Variants in TUSC3 observed in about 807,000 individuals in gnomAD.
TUSC3 encodes tumor suppressor candidate 3, also known as dolichyl-diphosphooligosaccharide--protein glycosyltransferase subunit TUSC3.
Under a neutral mutation model 44.8 loss-of-function variants are expected in TUSC3, and 45 were observed. The ratio of observed to expected loss-of-function variants is 1.00; its 90% CI spans 0.79 to 1.29. The LOEUF is 1.29. Ranked by LOEUF, TUSC3 falls within the 50% of genes most tolerant of loss-of-function variation. TUSC3 has a pLI of 0.00. For missense variants in TUSC3, 519 were observed against 437.9 expected (o/e 1.19, Z -1.65); for synonymous variants, 212 against 152.9 (o/e 1.39, Z -2.85).
intron 2 of TUSC3, among the ~76,000 whole-genome samples, 200 bp downstream of exon 2, chr8:15,623,449 A>T (rs1350602376): frequency 6.6e-6 from 1 of 152,164 alleles, no homozygotes; most frequent in Non-Finnish European, 1.5e-5. Flanking sequence ...CATGTAAAAT[A>T]TTCATTGACC....
the TUSC3 span, among the ~76,000 whole-genome samples, chr8:15,788,046 G>C: frequency 6.6e-6 from 1 of 152,172 alleles, no homozygotes; most frequent in South Asian, 2.1e-4. Flanking sequence ...TGAATGGTCT[G>C]ACCTGCCCCC....
At chr8:15,635,619 A>G (rs1298961364) in intron 2 of TUSC3, among the ~76,000 whole-genome samples, 1 of 152,202 alleles carries the variant, frequency 6.6e-6, no homozygotes, top group Non-Finnish European at 1.5e-5. Flanking sequence ...GAGAGTCGTA[A>G]TAGTAGTAAG....
the TUSC3 span, among the ~76,000 whole-genome samples, chr8:15,813,502 C>T: frequency 4.0e-5 from 6 of 150,618 alleles, no homozygotes; most frequent in Admixed American, 1.3e-4. Context: ...CTAGAAAGTA[C>T]GAGGTAATCA....
intron 1 of TUSC3, among the ~76,000 whole-genome samples, chr8:15,434,520 A>G (rs1276259478): frequency 8.0e-6 from 1 of 125,404 alleles, no homozygotes; most frequent in African/African-American, 2.9e-5. Flanking sequence ...CTCAAATTAT[A>G]AAGCCATTCC....
chr8:15,652,171 G>A (rs555786878), intron 3 of TUSC3, among the ~76,000 whole-genome samples: 22 of 152,216 alleles, frequency 1.4e-4, no homozygotes, highest in African/African-American at 5.3e-4. Flanking sequence ...GTGCAGTTCC[G>A]GGGTTGATCT....
chr8:15,846,123 C>A, the TUSC3 span, among the ~76,000 whole-genome samples: 1 of 152,166 alleles, frequency 6.6e-6, no homozygotes, highest in Non-Finnish European at 1.5e-5. Flanking sequence ...TGAGTCCCTC[C>A]CACAACATGT....
intron 1 of TUSC3, among the ~76,000 whole-genome samples, chr8:15,576,279 G>GTTTTTTTTTTTTTTTTTT (rs1175068882): frequency 1.1e-4 from 12 of 104,790 alleles, no homozygotes; most frequent in Admixed American, 1.9e-4. Flanking sequence ...TGGTCCTCTT[G>GTTTTTTTTTTTTTTTTTT]TTTTTTTTTT....
intron 1 of TUSC3, among the ~76,000 whole-genome samples, chr8:15,607,170 G>A (rs188898706): frequency 1.3e-5 from 2 of 152,122 alleles, no homozygotes; most frequent in East Asian, 3.9e-4. Flanking sequence ...CCAAGGAAAC[G>A]TGTGGACCAG....
chr8:15,498,771 T>C (rs1800915789), intron 2 of TUSC3, among the ~76,000 whole-genome samples: 1 of 152,186 alleles, frequency 6.6e-6, no homozygotes, highest in African/African-American at 2.4e-5. Context: ...TCTTCCTTCC[T>C]GCTGACCCAG....
At chr8:15,417,313 A>C (rs554405529) in intron 1 of TUSC3, 1 of 152,486 alleles carries the variant, frequency 6.6e-6, no homozygotes, top group South Asian at 2.1e-4. Context: ...AATGTGAGTC[A>C]ATTAAACCTC....
intron 6 of TUSC3, among the ~76,000 whole-genome samples, chr8:15,712,815 ATGAC>A (rs1809911405): frequency 1.3e-5 from 2 of 152,096 alleles, no homozygotes; most frequent in African/African-American, 4.8e-5. Context: ...GTCACTTTAG[ATGAC>A]CTTATTTCCT....
chr8:15,835,009 C>T, the TUSC3 span, among the ~76,000 whole-genome samples: 1 of 152,200 alleles, frequency 6.6e-6, no homozygotes, highest in African/African-American at 2.4e-5. Context: ...TATAGGGAAG[C>T]ATGACTGTAA....
intron 9 of TUSC3, among the ~76,000 whole-genome samples, chr8:15,757,002 G>A (rs1422947170): frequency 2.0e-5 from 3 of 152,160 alleles, no homozygotes; most frequent in East Asian, 1.9e-4. Context: ...CTGGCATGGT[G>A]GCACACGCCT....
At chr8:15,728,586 C>CT (rs1810591887) in intron 6 of TUSC3, among the ~76,000 whole-genome samples, 2 of 152,136 alleles carry the variant, frequency 1.3e-5, no homozygotes, top group Non-Finnish European at 2.9e-5. Flanking sequence ...TTAAGTTACT[C>CT]TCCTGAGTTA....
chr8:15,418,229 T>C (rs1799684862), intron 1 of TUSC3, among the ~76,000 whole-genome samples: 1 of 152,198 alleles, frequency 6.6e-6, no homozygotes, highest in Admixed American at 6.5e-5. Flanking sequence ...TAGTAGCCTA[T>C]TAGTAAAATG....
intron 2 of TUSC3, among the ~76,000 whole-genome samples, chr8:15,505,685 T>C (rs1801042384): frequency 6.6e-6 from 1 of 152,214 alleles, no homozygotes; most frequent in Non-Finnish European, 1.5e-5. Flanking sequence ...AACTGCATTT[T>C]TAACTGATGA....
chr8:15,462,621 C>G (rs968295082), intron 1 of TUSC3, among the ~76,000 whole-genome samples: 6 of 152,072 alleles, frequency 3.9e-5, no homozygotes, highest in Admixed American at 6.5e-5. Context: ...ATGTTTAAAC[C>G]AAGATGGTAG....
chr8:15,457,879 A>ATAT lies in TUSC3; in HGVS notation n.92-25506_92-25505insATT, dbSNP rs1040609999. 2.8e-3 allele frequency among the ~76,000 whole-genome samples: 415 copies of ATAT among 146,896 alleles called. 4 individuals are homozygous for ATAT. The highest frequency in any genetic ancestry group is 9.7e-3 in the African/African-American group (391 of 40,358). On this transcript the variant is annotated intron_variant and non_coding_transcript_variant, in intron 1 of 5. Transcript: ENST00000503191. ...AATTATCTAATAAATTAATTAGATAATTACTAATTAATTAATTAGATAATT... is the reference window on the plus strand; with the variant it reads ...AATTATCTAATAAATTAATTAGATAATATTTACTAATTAATTAATTAGATAATT...
intron 1 of TUSC3, among the ~76,000 whole-genome samples, chr8:15,480,760 A>C (rs1483140799): frequency 6.6e-6 from 1 of 152,184 alleles, no homozygotes; most frequent in Non-Finnish European, 1.5e-5. Context: ...ATCAGATGAG[A>C]GCTATTAATA....
Sources: gnomAD v4.1 joint callset for allele counts (sites outside exome capture counted in the v4.1 genomes callset) on GRCh38, gnomAD v4.1.1 for gene constraint, MANE v1.5 for transcripts, NCBI Gene and HGNC (gene_info 2026-07-23, HGNC 2026-07-21) for gene names.